HHAT: variants seen among roughly 807,000 people sequenced by gnomAD.
The protein encoded by HHAT is hedgehog acyltransferase, also known as protein-cysteine N-palmitoyltransferase HHAT.
Under a neutral mutation model 70.8 loss-of-function variants are expected in HHAT, and 47 were observed. The ratio of observed to expected loss-of-function variants is 0.66; its 90% CI spans 0.53 to 0.85. The LOEUF is 0.85. HHAT is among the 40% of genes least tolerant of loss of function. The probability of loss-of-function intolerance (pLI) is 0.00; values close to 1 mark genes in which losing one functional copy is unlikely to be tolerated. For missense variants in HHAT, 609 were observed against 604.8 expected, an observed-to-expected ratio of 1.01 and a Z score of -0.07; for synonymous variants, 228 against 247.6, an observed-to-expected ratio of 0.92 and a Z score of 0.74.
intron 11 of HHAT, among the ~76,000 whole-genome samples, chr1:210,656,981 G>A (rs919613280): frequency 2.6e-5 from 4 of 152,210 alleles, no homozygotes; most frequent in Non-Finnish European, 5.9e-5. Context: ...ACCCCTTCTT[G>A]TACAGGACCT....
chr1:210,595,847 C>A (rs907225886), intron 10 of HHAT, among the ~76,000 whole-genome samples: 1 of 151,784 alleles, frequency 6.6e-6, no homozygotes, highest in Middle Eastern at 3.4e-3. Flanking sequence ...TGTTTGAGTT[C>A]TTTGTAGATT....
intron 7 of HHAT, among the ~76,000 whole-genome samples, chr1:210,463,901 C>A (rs941832161): frequency 4.6e-5 from 7 of 152,074 alleles, no homozygotes; most frequent in African/African-American, 1.7e-4. Flanking sequence ...TTTGTGGGTG[C>A]ATAGTAGATG....
At chr1:210,631,018 T>TA in intron 11 of HHAT, 1 of 452,140 alleles carries the variant, frequency 2.2e-6, no homozygotes, top group South Asian at 1.6e-5. Context: ...TTATTTTTTT[T>TA]ACTCAATCCA....
At chr1:210,473,654 C>A (rs1286264731) in intron 8 of HHAT, among the ~76,000 whole-genome samples, 1 of 152,174 alleles carries the variant, frequency 6.6e-6, no homozygotes, top group East Asian at 1.9e-4. Flanking sequence ...GCTTTACCTG[C>A]TGCCCACAAA....
At position 210,475,025 on chromosome 1, in the gene HHAT, G is replaced by GTTT. The variant is rs112995699; in HGVS notation, c.1007+10377_1007+10379dup. Among the ~76,000 whole-genome samples, 5 of 149,786 alleles carry GTTT rather than the reference G, an allele frequency of 3.3e-5. No homozygotes were observed. In the East Asian group the frequency reaches 7.9e-4, roughly 24 times the overall value. ...GCCACCACAACTAGCTATTTTTTTT[G>GTTT]TTTTTTTTTAATTTTAGTAGAGATG... On this transcript the variant is annotated intron_variant, in intron 8 of 11. Transcript: ENST00000261458.
intron 9 of HHAT, among the ~76,000 whole-genome samples, chr1:210,549,207 G>GT (rs1407565143): frequency 7.4e-6 from 1 of 134,860 alleles, no homozygotes; most frequent in Non-Finnish European, 1.5e-5. Flanking sequence ...CATGATTGTT[G>GT]TTTTTGTTAT....
intron 3 of HHAT, among the ~76,000 whole-genome samples, chr1:210,383,097 T>C (rs1291001384): frequency 2.6e-5 from 4 of 152,210 alleles, no homozygotes; most frequent in Non-Finnish European, 5.9e-5. Context: ...CCCAGCACTT[T>C]GGGAGGCTGA....
At chr1:210,507,734 C>A (rs933585799) in intron 8 of HHAT, among the ~76,000 whole-genome samples, 1 of 151,984 alleles carries the variant, frequency 6.6e-6, no homozygotes, top group Admixed American at 6.6e-5. Flanking sequence ...GGAGGCCCCA[C>A]CCCTGAACTC....
At chr1:210,350,891 T>G (rs1405151823) in intron 2 of HHAT, among the ~76,000 whole-genome samples, 1 of 152,210 alleles carries the variant, frequency 6.6e-6, no homozygotes. Flanking sequence ...GTGGGTTTTT[T>G]ATGGATGCTT....
At chr1:210,538,326 T>C (rs12755864) in intron 9 of HHAT, among the ~76,000 whole-genome samples, 110 of 152,256 alleles carry the variant, frequency 7.2e-4, no homozygotes, top group Non-Finnish European at 1.4e-3. Context: ...TCCACTGTAA[T>C]GTAAGGGACT....
intron 8 of HHAT, among the ~76,000 whole-genome samples, chr1:210,501,658 GC>G (rs139383090): frequency 0.11 from 17,487 of 152,238 alleles, 1,322 homozygotes; most frequent in South Asian, 0.23. Flanking sequence ...GGGAAAAATG[GC>G]TTTTCTTTCT....
intron 11 of HHAT, among the ~76,000 whole-genome samples, chr1:210,654,505 A>G (rs1216699140): frequency 6.6e-6 from 1 of 152,254 alleles, no homozygotes; most frequent in African/African-American, 2.4e-5. Context: ...ATTCATTAAC[A>G]TCAGGAAACA....
Position 210,675,521 on chromosome 1 carries a change from A to G in HHAT, c.*1142A>G, listed in dbSNP as rs941125000. On this transcript the variant is annotated 3_prime_UTR_variant, in exon 12 of 12. Transcript: ENST00000261458. ...TAAAGGAGGCTTAAAATTTGAATCCATAATATATCTAATTACAGGAGAATT... is the reference window on the plus strand; with the variant it reads ...TAAAGGAGGCTTAAAATTTGAATCCGTAATATATCTAATTACAGGAGAATT... The G allele has an allele frequency of 6.6e-5, 10 of 151,636 alleles. No individual in the cohort carries two copies. The highest frequency in any genetic ancestry group is 1.5e-4 in the African/African-American group (6 of 41,196). 9.4% of individuals were successfully genotyped at this position (151,636 alleles called of 1,614,324 possible). A position where few individuals can be genotyped will look rare whatever the true frequency, so the allele number is the denominator to read the frequency against.
chr1:210,418,030 C>T lies in HHAT; in HGVS notation c.685-124C>T, dbSNP rs192482329. On this transcript the variant is annotated intron_variant, in intron 6 of 11. Transcript: ENST00000261458. ...AACATTGAGTGTTCCCAAGACAAAC[C>T]AAACCAACCCTCTGTCAGCTGGCAT... The T allele has an allele frequency of 7.6e-6, 7 of 921,478 alleles. No individual in the cohort carries two copies. The African/African-American group carries it at 9.8e-5, about 13-fold the overall frequency. 57.1% of individuals were successfully genotyped at this position (921,478 alleles called of 1,614,324 possible). A position where few individuals can be genotyped will look rare whatever the true frequency, so the allele number is the denominator to read the frequency against.
chr1:210,595,209 A>T (rs889911561), intron 10 of HHAT, among the ~76,000 whole-genome samples: 10 of 152,034 alleles, frequency 6.6e-5, no homozygotes, highest in African/African-American at 9.7e-5. Flanking sequence ...AGTGAGAACA[A>T]GCGGTGTGTG....
At chr1:210,457,899 G>A (rs1164930853) in intron 7 of HHAT, among the ~76,000 whole-genome samples, 5 of 152,124 alleles carry the variant, frequency 3.3e-5, no homozygotes, top group African/African-American at 4.8e-5. Flanking sequence ...CAGCCATGTG[G>A]GGATGGGCTT....
chr1:210,502,228 C>CA (rs1291918899), intron 8 of HHAT, among the ~76,000 whole-genome samples: 1 of 151,248 alleles, frequency 6.6e-6, no homozygotes, highest in Non-Finnish European at 1.5e-5. Flanking sequence ...ACTAAAAATA[C>CA]AAAAAATTAG....
intron 1 of HHAT, among the ~76,000 whole-genome samples, chr1:210,340,690 A>T (rs2085961999): frequency 6.6e-6 from 1 of 152,148 alleles, no homozygotes; most frequent in African/African-American, 2.4e-5. Context: ...GTGTATTTTG[A>T]TTACATTTTA....
At chr1:210,331,479 G>A (rs1455850485) in intron 1 of HHAT, among the ~76,000 whole-genome samples, 1 of 152,116 alleles carries the variant, frequency 6.6e-6, no homozygotes, top group Admixed American at 6.5e-5. Context: ...ATACTTCTAG[G>A]GCCCGGTCAT....
Sources: gnomAD v4.1 joint callset for allele counts (sites outside exome capture counted in the v4.1 genomes callset) on GRCh38, gnomAD v4.1.1 for gene constraint, MANE v1.5 for transcripts, NCBI Gene and HGNC (gene_info 2026-07-23, HGNC 2026-07-21) for gene names.